SLF1: variants seen among roughly 807,000 people sequenced by gnomAD.
SLF1 encodes the protein SMC5-SMC6 complex localization factor protein 1.
Under a neutral mutation model 123.0 loss-of-function variants are expected in SLF1, and 105 were observed. That is an observed-to-expected ratio of 0.85 (90% CI 0.73 to 1.00). SLF1 has a LOEUF of 1.00. Ranked by LOEUF, SLF1 falls within the 50% of genes least tolerant of loss-of-function variation. The pLI is 0.00. For missense variants in SLF1, 1,239 were observed against 1,223.0 expected (o/e 1.01, Z -0.20); for synonymous variants, 434 against 406.6 (o/e 1.07, Z -0.81).
chr5:94,622,927 T>C (rs898682718), intron 1 of SLF1, among the ~76,000 whole-genome samples: 1 of 152,144 alleles, frequency 6.6e-6, no homozygotes, highest in African/African-American at 2.4e-5. Flanking sequence ...CTCTCATTTT[T>C]GTAGCACCTT....
At chr5:94,691,348 A>G (rs1347186230) in intron 18 of SLF1, 6 of 464,426 alleles carry the variant, frequency 1.3e-5, no homozygotes, top group Non-Finnish European at 2.3e-5. Context: ...TGAATTGCTG[A>G]TAGAACAGAA....
chr5:94,669,733 TACTA>T (rs1231649964), intron 12 of SLF1, among the ~76,000 whole-genome samples: 1 of 152,002 alleles, frequency 6.6e-6, no homozygotes, highest in Non-Finnish European at 1.5e-5. Flanking sequence ...AATCTTCATT[TACTA>T]ACTAATGAAA....
At chr5:94,670,798 A>G (rs1260431996) in intron 13 of SLF1, 45 bp from the exon 14 acceptor site, 1 of 1,418,616 alleles carries the variant, frequency 7.0e-7, no homozygotes, top group East Asian at 2.5e-5. Flanking sequence ...AATTGTCATG[A>G]TCAAATTGGC....
chr5:94,656,047 C>A (rs1233509355), intron 9 of SLF1, among the ~76,000 whole-genome samples: 3 of 152,008 alleles, frequency 2.0e-5, no homozygotes, highest in Admixed American at 6.5e-5. Flanking sequence ...GAATGGCTTT[C>A]ATGGTTTTCC....
chr5:94,665,072 A>G (rs1424644410), intron 11 of SLF1, among the ~76,000 whole-genome samples: 2 of 152,232 alleles, frequency 1.3e-5, no homozygotes, highest in African/African-American at 2.4e-5. Flanking sequence ...ATACAGTCAT[A>G]CATATCATCC....
chr5:94,662,944 T>G (rs1749306876), intron 10 of SLF1, among the ~76,000 whole-genome samples: 2 of 152,246 alleles, frequency 1.3e-5, no homozygotes, highest in African/African-American at 4.8e-5. Flanking sequence ...GAATGTATTT[T>G]GTGAAGCTCT....
chr5:94,685,787 A>G (rs1363568231), intron 15 of SLF1, among the ~76,000 whole-genome samples: 1 of 151,506 alleles, frequency 6.6e-6, no homozygotes, highest in Non-Finnish European at 1.5e-5. Context: ...GTGAGCCGAG[A>G]TCGCACCACT....
Position 94,678,932 on chromosome 5 carries a change from G to T in SLF1, c.1952G>T (p.Ser651Ile). 2 of 1,613,212 alleles carry T rather than the reference G, an allele frequency of 1.2e-6. No individual in the cohort carries two copies. The highest frequency in any genetic ancestry group is 1.7e-6 in the Non-Finnish European group (2 of 1,179,614). ...VMRHMSDDLG[S>I]YVSLSCDDFS... ...CGACACATGTCTGATGACTTAGGAA[G>T]TTATGTTTCTCTTTCGTGTGATGGT... Residue 651 changes from serine (S) to isoleucine (I), a missense_variant, in exon 15 of 21, where the codon AGT becomes ATT. Ser to Ile is a moderately radical substitution (Grantham distance 142). Transcript: ENST00000265140.
intron 3 of SLF1, 125 bp from the exon 4 acceptor site, chr5:94,630,378 T>C (rs1277719481): frequency 4.3e-6 from 5 of 1,151,922 alleles, no homozygotes; most frequent in Non-Finnish European, 5.9e-6. Flanking sequence ...AGTTCAAAGA[T>C]AATGTTAGCA....
At chr5:94,658,712 T>A (rs188854539) in intron 9 of SLF1, among the ~76,000 whole-genome samples, 98 of 152,326 alleles carry the variant, frequency 6.4e-4, no homozygotes, top group African/African-American at 2.2e-3. Flanking sequence ...CTATTGTTTT[T>A]AAAATAGGTT....
intron 9 of SLF1, among the ~76,000 whole-genome samples, chr5:94,661,746 A>G (rs1229222875): frequency 6.6e-6 from 1 of 152,134 alleles, no homozygotes. Context: ...CATGTTGGCC[A>G]GGCTGTTCTC....
At chr5:94,665,231 G>T (rs1372482098) in intron 11 of SLF1, among the ~76,000 whole-genome samples, 1 of 151,450 alleles carries the variant, frequency 6.6e-6, no homozygotes, top group Non-Finnish European at 1.5e-5. Context: ...CCCAAATACA[G>T]AATACTGTAT....
intron 1 of SLF1, among the ~76,000 whole-genome samples, chr5:94,625,939 C>A (rs1374977188): frequency 6.6e-6 from 1 of 151,984 alleles, no homozygotes; most frequent in East Asian, 1.9e-4. Context: ...CATTAATTAA[C>A]CCATGTAAAT....
chr5:94,683,016 C>T (rs1308538773), intron 15 of SLF1, among the ~76,000 whole-genome samples: 2 of 152,184 alleles, frequency 1.3e-5, no homozygotes, highest in Non-Finnish European at 2.9e-5. Context: ...GGCAGCACAC[C>T]ATAGTTTGCC....
chr5:94,659,137 T>C (rs573751077), intron 9 of SLF1, among the ~76,000 whole-genome samples: 4 of 150,558 alleles, frequency 2.7e-5, no homozygotes, highest in Admixed American at 1.3e-4. Context: ...CTCTCTGTTA[T>C]ATATTTTTTT....
chr5:94,669,770 A>C (rs1318193725), intron 12 of SLF1, among the ~76,000 whole-genome samples: 1 of 152,056 alleles, frequency 6.6e-6, no homozygotes, highest in Non-Finnish European at 1.5e-5. Flanking sequence ...TTGGGTAAGA[A>C]AGAGGAGGAT....
chr5:94,651,231 G>A (rs2152478844), intron 6 of SLF1, among the ~76,000 whole-genome samples: 1 of 152,236 alleles, frequency 6.6e-6, no homozygotes, highest in South Asian at 2.1e-4. Context: ...TACCATCTAG[G>A]TTTGTGTAGG....
At chr5:94,633,453 A>G (rs376127149) in intron 4 of SLF1, among the ~76,000 whole-genome samples, 4 of 152,212 alleles carry the variant, frequency 2.6e-5, no homozygotes, top group African/African-American at 9.6e-5. Context: ...CTATGTAAAT[A>G]TCTAAACCTA....
intron 18 of SLF1, among the ~76,000 whole-genome samples, chr5:94,690,382 A>G (rs1752937126): frequency 6.6e-6 from 1 of 152,218 alleles, no homozygotes; most frequent in Non-Finnish European, 1.5e-5. Context: ...TGCATATTAC[A>G]GATTCAAAAT....
Sources: allele counts gnomAD v4.1 joint callset (sites outside exome capture counted in the v4.1 genomes callset), GRCh38; gene constraint gnomAD v4.1.1; transcripts MANE v1.5; gene names NCBI Gene and HGNC (gene_info 2026-07-23, HGNC 2026-07-21).